The following TMEM184B variants were observed in gnomAD, a reference collection of about 807,000 sequenced individuals.
TMEM184B encodes putative MAPK-activating protein FM08.
In TMEM184B, 17 loss-of-function variants were observed where a neutral mutation model predicts 41.8. That is an observed-to-expected ratio of 0.41 (90% CI 0.28 to 0.61). TMEM184B has a LOEUF of 0.61. TMEM184B is among the 20% of genes least tolerant of loss of function. TMEM184B has a pLI of 0.34. For missense variants in TMEM184B, 393 were observed against 557.8 expected, an observed-to-expected ratio of 0.70 and a Z score of 2.98; for synonymous variants, 240 against 229.5, an observed-to-expected ratio of 1.05 and a Z score of -0.41.
rs2146043674 is a variant in TMEM184B, at chr22:38,220,887, T to G, written c.*582A>C. ...CCTGGGTGGGGCCTGTGACTCCTGG[T>G]GTCTGGCTCTGATCCTTGCAGCATG... On this transcript the variant is annotated 3_prime_UTR_variant, in exon 9 of 9. Transcript: ENST00000361906. The G allele has an allele frequency of 1.0e-6, 1 of 986,144 alleles. No homozygotes were observed. Among genetic ancestry groups the G allele is most frequent in the South Asian group, 4.7e-5 (1 of 21,298 alleles). The allele number at this position is 986,144 out of a possible 1,614,324, so 61.1% of individuals were successfully genotyped here. A position where few individuals can be genotyped will look rare whatever the true frequency, so the allele number is the denominator to read the frequency against.
chr22:38,270,418 T>C (rs1384515474), intron 1 of TMEM184B, among the ~76,000 whole-genome samples: 1 of 152,252 alleles, frequency 6.6e-6, no homozygotes, highest in Non-Finnish European at 1.5e-5. Context: ...GAACTGTGCC[T>C]GGCACACAGT....
At position 38,225,631 on chromosome 22, in the gene TMEM184B, C is replaced by G; in HGVS notation, c.618-38G>C. 6.3e-7 allele frequency: 1 copy of G among 1,576,280 alleles called. No homozygotes were observed. Among genetic ancestry groups the G allele is most frequent in the South Asian group, 1.2e-5 (1 of 86,230 alleles). On this transcript the variant is annotated intron_variant, in intron 6 of 8. Transcript: ENST00000361906. The surrounding 1 kb of genome is among the most constrained non-coding windows in gnomAD (Gnocchi z 4.4). ...GAGCATTTTCTGGCTGGGACAGACCCTTGGAGGGAAGGGGCTCTCCTCGAC... is the reference window on the plus strand; with the variant it reads ...GAGCATTTTCTGGCTGGGACAGACCGTTGGAGGGAAGGGGCTCTCCTCGAC...
At chr22:38,236,865 T>A (rs1217554062) in intron 3 of TMEM184B, among the ~76,000 whole-genome samples, 1 of 152,160 alleles carries the variant, frequency 6.6e-6, no homozygotes, top group Non-Finnish European at 1.5e-5. Context: ...GCAATCAGGC[T>A]GGGTAACCCC....
intron 1 of TMEM184B, among the ~76,000 whole-genome samples, chr22:38,249,794 G>A (rs989632520): frequency 6.6e-6 from 1 of 152,198 alleles, no homozygotes; most frequent in Non-Finnish European, 1.5e-5. Flanking sequence ...GCCCTGATGG[G>A]GCGGCCCTTT....
intron 8 of TMEM184B, chr22:38,222,819 G>C (rs2091299194): frequency 8.5e-6 from 5 of 589,752 alleles, no homozygotes; most frequent in South Asian, 7.4e-5. Context: ...CACCCCCCCA[G>C]GCCCCACAGG....
In TMEM184B at chr22:38,266,635, T is replaced by C. The variant is rs1213577048; in HGVS notation, c.-59+6249A>G. The stretch of plus-strand genomic sequence containing the variant: ...CTACCTTTCAAATGCTATGGGTAAA[T>C]GTTTATAACCCGGTGTTAAGTAAAC... On this transcript the variant is annotated intron_variant, in intron 1 of 8. Coordinates refer to ENST00000361906, the MANE Select transcript of TMEM184B (RefSeq NM_012264.5). Among the ~76,000 whole-genome samples the C allele has an allele frequency of 2.6e-5, 4 of 152,366 alleles. No homozygotes were observed. In the East Asian group the frequency reaches 5.8e-4, roughly 22 times the overall value.
At position 38,226,688 on chromosome 22, in the gene TMEM184B, G is replaced by T; in HGVS notation, c.617+91C>A. On this transcript the variant is annotated intron_variant, in intron 6 of 8. Transcript: ENST00000361906. This position sits in a 1 kb window ranked among gnomAD's most constrained non-coding sequence, Gnocchi z 4.6. Reference sequence around the variant, plus strand: ...AGACACCCAGGAAGGTCATGGCTGTGCGGCCACTCTGGCTGCCCCCTTCCC... The same window carrying T: ...AGACACCCAGGAAGGTCATGGCTGTTCGGCCACTCTGGCTGCCCCCTTCCC... 1 of 1,302,284 alleles carries T rather than the reference G, an allele frequency of 7.7e-7. No homozygotes were observed. The allele number at this position is 1,302,284 out of a possible 1,614,324, so 80.7% of individuals were successfully genotyped here.
In TMEM184B at chr22:38,225,894, A is replaced by G. The variant is rs973803312; in HGVS notation, c.618-301T>C. On this transcript the variant is annotated intron_variant, in intron 6 of 8. Transcript: ENST00000361906. The surrounding 1 kb of genome is among the most constrained non-coding windows in gnomAD (Gnocchi z 4.4). ...GGAAGCCAGGGCCGGGCCCGAGGCC[A>G]TAGCCTGACACTCAGATAACAGGCG... 6.6e-6 allele frequency among the ~76,000 whole-genome samples: 1 copy of G among 152,142 alleles called. No homozygotes were observed. The highest frequency in any genetic ancestry group is 1.5e-5 in the Non-Finnish European group (1 of 68,022).
At chr22:38,269,886 A>G (rs2092497104) in intron 1 of TMEM184B, among the ~76,000 whole-genome samples, 1 of 152,172 alleles carries the variant, frequency 6.6e-6, no homozygotes, top group African/African-American at 2.4e-5. Flanking sequence ...CAGGGGCTGT[A>G]GGAAAGCCAA....
Position 38,220,675 on chromosome 22 carries a change from G to A in TMEM184B, c.*794C>T. 7.1e-6 allele frequency: 7 copies of A among 986,218 alleles called. No individual in the cohort carries two copies. The highest frequency in any genetic ancestry group is 8.4e-6 in the Non-Finnish European group (7 of 830,178). The allele number at this position is 986,218 out of a possible 1,614,324, so 61.1% of individuals were successfully genotyped here. The stretch of plus-strand genomic sequence containing the variant: ...AGCCCTGAAGCAGCCAGGAAGCAAG[G>A]GCTCTGCCCAAAGCTATCGAGGAAG... On this transcript the variant is annotated 3_prime_UTR_variant, in exon 9 of 9. Transcript: ENST00000361906.
intron 1 of TMEM184B, among the ~76,000 whole-genome samples, chr22:38,253,575 A>T: frequency 6.6e-6 from 1 of 152,144 alleles, no homozygotes; most frequent in East Asian, 1.9e-4. Flanking sequence ...CATCTCAAAA[A>T]TAAATAAATA....
At chr22:38,217,412 A>G (rs2091162003), downstream of TMEM184B, among the ~76,000 whole-genome samples, 1 of 99,486 alleles carries the variant, frequency 1.0e-5, no homozygotes, top group Non-Finnish European at 1.9e-5. Flanking sequence ...AGGCTGAGGC[A>G]GGCAGATCAC....
chr22:38,238,804 C>G (rs769582432), intron 3 of TMEM184B, among the ~76,000 whole-genome samples: 4 of 152,220 alleles, frequency 2.6e-5, no homozygotes, highest in Non-Finnish European at 5.9e-5. Context: ...AGAGACCCAG[C>G]TGCAAGTTTG....
chr22:38,246,158 C>G, intron 2 of TMEM184B, 58 bp from the exon 3 acceptor site: 1 of 1,572,454 alleles, frequency 6.4e-7, no homozygotes, highest in East Asian at 2.3e-5. Flanking sequence ...GACGGGAGGG[C>G]AGGTGGGCTT....
intron 1 of TMEM184B, 55 bp from the exon 2 acceptor site, chr22:38,248,074 G>C (rs937909809): frequency 6.8e-7 from 1 of 1,462,154 alleles, no homozygotes; most frequent in Non-Finnish European, 9.0e-7. Context: ...GGCAGCATTG[G>C]AAAGAATCTT....
chr22:38,248,186 C>G (rs11913801), intron 1 of TMEM184B, among the ~76,000 whole-genome samples, 167 bp from the exon 2 acceptor site: 4,152 of 152,232 alleles, frequency 0.027, 187 homozygotes, highest in African/African-American at 0.095. Flanking sequence ...GGCCCCTGAC[C>G]AGTTTCTCTG....
rs10545677 is a variant in TMEM184B at position 38,221,331 on chromosome 22, TGTGA to T, written c.*134_*137del. 19,122 of 1,447,516 alleles carry T rather than the reference TGTGA, an allele frequency of 0.013. 1,182 individuals are homozygous for T. The African/African-American group carries it at 0.17, about 13-fold the overall frequency. The allele number at this position is 1,447,516 out of a possible 1,614,324, so 89.7% of individuals were successfully genotyped here. A position where few individuals can be genotyped will look rare whatever the true frequency, so the allele number is the denominator to read the frequency against. ...GTCCCCCGTTCCTCTGGAAGTGACA[TGTGA>T]GTGTTTCTGGTCCAATAAATAAAGG... On this transcript the variant is annotated 3_prime_UTR_variant, in exon 9 of 9. Transcript: ENST00000361906.
chr22:38,271,161 T>A (rs548011910), intron 1 of TMEM184B, among the ~76,000 whole-genome samples: 6 of 152,320 alleles, frequency 3.9e-5, no homozygotes, highest in African/African-American at 1.4e-4. Flanking sequence ...TATTGGAGCC[T>A]CGTATCCAGA....
At chr22:38,232,143 A>AT (rs1182223772) in intron 3 of TMEM184B, 3 of 155,686 alleles carry the variant, frequency 1.9e-5, no homozygotes, top group Non-Finnish European at 1.4e-5. Context: ...CATCCAGTCA[A>AT]CAACCTGTAG....
Sources: gnomAD v4.1 joint callset for allele counts (sites outside exome capture counted in the v4.1 genomes callset) on GRCh38, gnomAD v4.1.1 for gene constraint, Gnocchi (gnomAD v3.1) non-coding constraint, MANE v1.5 for transcripts, NCBI Gene and HGNC (gene_info 2026-07-23, HGNC 2026-07-21) for gene names.